SCARB1: variants seen among roughly 807,000 people sequenced by gnomAD.
SCARB1 encodes the protein scavenger receptor class B member 1.
A neutral mutation model predicts 57.2 loss-of-function variants in SCARB1; 30 were observed. The ratio of observed to expected loss-of-function variants is 0.52; its 90% CI spans 0.39 to 0.71. The LOEUF (loss-of-function observed/expected upper bound fraction) is 0.71. Ranked by LOEUF, SCARB1 falls within the 30% of genes least tolerant of loss-of-function variation. SCARB1 has a pLI of 0.00. For missense variants in SCARB1, 543 were observed against 671.2 expected (o/e 0.81, Z 2.11); for synonymous variants, 249 against 268.3 (o/e 0.93, Z 0.70).
chr12:124,777,367 G>C lies in SCARB1; in HGVS notation c.*1220C>G, dbSNP rs928885914. 2 of 152,226 alleles carry C rather than the reference G, an allele frequency of 1.3e-5. No individual in the cohort carries two copies. The highest frequency in any genetic ancestry group is 2.4e-5 in the African/African-American group (1 of 41,452). The allele number at this position is 152,226 out of a possible 1,614,324, so 9.4% of individuals were successfully genotyped here. A position where few individuals can be genotyped will look rare whatever the true frequency, so the allele number is the denominator to read the frequency against. On this transcript the variant is annotated 3_prime_UTR_variant, in exon 13 of 13. Coordinates refer to ENST00000261693, the MANE Select transcript of SCARB1 (RefSeq NM_005505.5). ...CCATGCAAAAGTGGCAAAAGCGTCTGCACTGGGGGCTGTGGGATGGGACTC... is the reference window on the plus strand; with the variant it reads ...CCATGCAAAAGTGGCAAAAGCGTCTCCACTGGGGGCTGTGGGATGGGACTC...
intron 1 of SCARB1, among the ~76,000 whole-genome samples, chr12:124,858,239 C>T (rs1274330664): frequency 3.9e-5 from 6 of 152,204 alleles, no homozygotes; most frequent in Admixed American, 1.3e-4. Context: ...GTCTCCTTAA[C>T]GGACACTGAA....
chr12:124,835,517 C>T (rs974692380), intron 1 of SCARB1, among the ~76,000 whole-genome samples: 3 of 152,080 alleles, frequency 2.0e-5, no homozygotes, highest in African/African-American at 2.4e-5. Context: ...CCAATTCTCC[C>T]GCTTCAACCT....
At chr12:124,786,097 C>T (rs781190552) in intron 11 of SCARB1, 9 of 1,532,696 alleles carry the variant, frequency 5.9e-6, no homozygotes, top group Middle Eastern at 1.7e-4. Flanking sequence ...TCTCATTACT[C>T]AAAGCCCACC....
intron 1 of SCARB1, among the ~76,000 whole-genome samples, chr12:124,844,568 A>G (rs1029469344): frequency 6.6e-6 from 1 of 152,074 alleles, no homozygotes; most frequent in African/African-American, 2.4e-5. Context: ...CGTTTAAATG[A>G]GGTCAGTGGG....
chr12:124,860,680 C>T (rs1025853824), intron 1 of SCARB1, among the ~76,000 whole-genome samples: 4 of 152,200 alleles, frequency 2.6e-5, no homozygotes, highest in African/African-American at 9.6e-5. Flanking sequence ...TCTAGAAATC[C>T]ACCCTATGGA....
At chr12:124,790,084 AGAGG>A (rs1949672781) in intron 9 of SCARB1, among the ~76,000 whole-genome samples, 2 of 151,588 alleles carry the variant, frequency 1.3e-5, no homozygotes, top group Non-Finnish European at 2.9e-5. Flanking sequence ...CTGGCTTTAA[AGAGG>A]GAGAGGCCAA....
rs60063887 is a variant in SCARB1, at chr12:124,817,353, T to TAAAA, written c.284+193_284+196dup. Among the ~76,000 whole-genome samples the TAAAA allele has an allele frequency of 1.0e-4, 7 of 68,772 alleles. No homozygotes were observed. Among genetic ancestry groups the TAAAA allele is most frequent in the African/African-American group, 1.7e-4 (3 of 18,074 alleles). 45.1% of individuals were successfully genotyped at this position (68,772 alleles called of 152,430 possible). On this transcript the variant is annotated intron_variant, in intron 2 of 12. Transcript: ENST00000261693. The surrounding 1 kb of genome is among the most constrained non-coding windows in gnomAD (Gnocchi z 4.8). Reference sequence around the variant, plus strand: ...GGGCAACATAGCAAGATCCCATCTCTAAAAAAAAAAAAAAAAAAAAAAAAA... The same window carrying TAAAA: ...GGGCAACATAGCAAGATCCCATCTCTAAAAAAAAAAAAAAAAAAAAAAAAAAAAA...
chr12:124,817,608 T>TG lies in SCARB1; in HGVS notation c.225dup (p.Ser76GlnfsTer76). 6.2e-7 allele frequency: 1 copy of TG among 1,614,186 alleles called. No individual in the cohort carries two copies. The highest frequency in any genetic ancestry group is 8.5e-7 in the Non-Finnish European group (1 of 1,180,024). On this transcript the variant is annotated frameshift_variant, in exon 2 of 13. Coordinates refer to ENST00000261693, the MANE Select transcript of SCARB1 (RefSeq NM_005505.5). LOFTEE classifies it high-confidence loss of function. The surrounding 1 kb of genome is among the most constrained non-coding windows in gnomAD (Gnocchi z 4.8). ...GGCTTCTCGCCCTTCAGGATCTCGC[T>TG]GGGGTTCATGACGTCAAAGAAGTAG...
At chr12:124,798,078 G>A (rs534754416) in intron 8 of SCARB1, among the ~76,000 whole-genome samples, 11 of 152,360 alleles carry the variant, frequency 7.2e-5, no homozygotes, top group Middle Eastern at 3.4e-3. Context: ...CAGCAGAAAC[G>A]TGGTGCACAC....
chr12:124,863,824 C>T lies in SCARB1; in HGVS notation c.-104G>A, dbSNP rs1165117831. The T allele has an allele frequency of 3.8e-6, 5 of 1,315,336 alleles. No individual in the cohort carries two copies. The African/African-American group carries it at 6.3e-5, about 17-fold the overall frequency. 81.5% of individuals were successfully genotyped at this position (1,315,336 alleles called of 1,614,324 possible). On this transcript the variant is annotated 5_prime_UTR_variant, in exon 1 of 13. Transcript: ENST00000261693. ...CAGGCGGGGACTCCGGGCACGCAGG[C>T]CGCAGAGGCACGGTGGATCCGGGAC... is the stretch of plus-strand genomic sequence containing the variant.
Position 124,800,382 on chromosome 12 carries a change from C to T in SCARB1, c.1010-140G>A, listed in dbSNP as rs1950088079. The T allele has an allele frequency of 1.6e-6, 1 of 637,186 alleles. No individual in the cohort carries two copies. Among genetic ancestry groups the T allele is most frequent in the East Asian group, 2.7e-5 (1 of 36,364 alleles). The allele number at this position is 637,186 out of a possible 1,614,324, so 39.5% of individuals were successfully genotyped here. Reference sequence around the variant, plus strand: ...GATAACCAGACAGAGAGGATCCCTTCCTCCATTCTGTAAAAAGCCCCAGGC... The same window carrying T: ...GATAACCAGACAGAGAGGATCCCTTTCTCCATTCTGTAAAAAGCCCCAGGC... On this transcript the variant is annotated intron_variant, in intron 7 of 12. Coordinates refer to ENST00000261693, the MANE Select transcript of SCARB1 (RefSeq NM_005505.5). The surrounding 1 kb of genome is among the most constrained non-coding windows in gnomAD (Gnocchi z 4.8).
At chr12:124,856,430 G>A (rs1359243045) in intron 1 of SCARB1, among the ~76,000 whole-genome samples, 3 of 152,214 alleles carry the variant, frequency 2.0e-5, no homozygotes, top group Non-Finnish European at 4.4e-5. Context: ...ACACACTCAC[G>A]AAGACAGGGA....
intron 1 of SCARB1, among the ~76,000 whole-genome samples, chr12:124,837,713 C>A (rs150510079): frequency 6.7e-6 from 1 of 149,192 alleles, no homozygotes; most frequent in Non-Finnish European, 1.5e-5. Context: ...ATAGTGAGGA[C>A]CCCCCCTACA....
intron 1 of SCARB1, chr12:124,821,260 GCA>G (rs960498184): frequency 7.1e-5 from 17 of 238,842 alleles, no homozygotes; most frequent in South Asian, 1.7e-4. Context: ...ACACACACAC[GCA>G]CACACACGCG....
At chr12:124,843,291 G>GGC (rs1555265348) in intron 1 of SCARB1, among the ~76,000 whole-genome samples, 32 of 19,044 alleles carry the variant, frequency 1.7e-3, no homozygotes, top group African/African-American at 4.6e-3. Flanking sequence ...CTGTGGAGAT[G>GGC]GGGGGGGGGG....
chr12:124,846,984 C>T (rs369320941), intron 1 of SCARB1, among the ~76,000 whole-genome samples: 1 of 152,212 alleles, frequency 6.6e-6, no homozygotes, highest in South Asian at 2.1e-4. Context: ...TTAGGGATGG[C>T]TATGAGGGAG....
At position 124,810,936 on chromosome 12, in the gene SCARB1, G is replaced by T. The variant is rs139171931; in HGVS notation, c.727-647C>A. ...TTTGCCACTCTGGGCACCGGTTGGG[G>T]TACGATTTGTCCCTAGCCCTCAGGG... On this transcript the variant is annotated intron_variant, in intron 5 of 12. Transcript: ENST00000261693. This position sits in a 1 kb window ranked among gnomAD's most constrained non-coding sequence, Gnocchi z 4.0. Among the ~76,000 whole-genome samples, 1 of 152,214 alleles carries T rather than the reference G, an allele frequency of 6.6e-6. No homozygotes were observed. Among genetic ancestry groups the T allele is most frequent in the South Asian group, 2.1e-4 (1 of 4,834 alleles).
intron 1 of SCARB1, among the ~76,000 whole-genome samples, chr12:124,854,042 G>C (rs935111106): frequency 4.6e-5 from 7 of 152,212 alleles, no homozygotes; most frequent in Non-Finnish European, 8.8e-5. Flanking sequence ...CTCACAGTCC[G>C]ACATTCTCAT....
At chr12:124,862,485 T>G (rs1594422599) in intron 1 of SCARB1, 1 of 152,306 alleles carries the variant, frequency 6.6e-6, no homozygotes, top group South Asian at 2.1e-4. Context: ...ATTCATTCAC[T>G]CATTCATTCG....
Sources: gnomAD v4.1 joint callset for allele counts (sites outside exome capture counted in the v4.1 genomes callset) on GRCh38, gnomAD v4.1.1 for gene constraint, Gnocchi (gnomAD v3.1) non-coding constraint, MANE v1.5 for transcripts, NCBI Gene and HGNC (gene_info 2026-07-23, HGNC 2026-07-21) for gene names.